The following ERC2 variants were observed in gnomAD, a reference collection of about 807,000 sequenced individuals.
ERC2 encodes ERC protein 2.
In ERC2, 42 loss-of-function variants were observed where a neutral mutation model predicts 114.8. The observed-to-expected ratio is 0.37, with a 90% CI of 0.29 to 0.47. The LOEUF is 0.47. Among genes scored for constraint, ERC2 ranks in the 20% least tolerant of loss-of-function variants. The pLI is 0.99. For synonymous variants in ERC2, 454 were observed against 425.5 expected (o/e 1.07, Z -0.82); for missense variants, 939 against 1,150.7 (o/e 0.82, Z 2.66).
At chr3:56,452,850 C>T (rs1156827104) in intron 1 of ERC2, among the ~76,000 whole-genome samples, 1 of 152,180 alleles carries the variant, frequency 6.6e-6, no homozygotes, top group Non-Finnish European at 1.5e-5. Context: ...TCAGAGAAGG[C>T]AGAAGTACTT....
At chr3:56,381,558 T>A (rs191594526) in intron 2 of ERC2, among the ~76,000 whole-genome samples, 1 of 151,780 alleles carries the variant, frequency 6.6e-6, no homozygotes, top group South Asian at 2.1e-4. Flanking sequence ...TAAAAAAAAA[T>A]ATGTTAGCCA....
At position 56,063,082 on chromosome 3, in the gene ERC2, T is replaced by C. The variant is rs984465529; in HGVS notation, c.1641+17735A>G. Reference sequence around the variant, plus strand: ...AAGCTACAACATGGATGAGTTTCAATGCATTATGCTAAGTCAAAGAAGCCA... The same window carrying C: ...AAGCTACAACATGGATGAGTTTCAACGCATTATGCTAAGTCAAAGAAGCCA... On this transcript the variant is annotated intron_variant, in intron 7 of 17. Coordinates refer to ENST00000288221, the MANE Select transcript of ERC2 (RefSeq NM_015576.3). Among the ~76,000 whole-genome samples, 4 of 152,228 alleles carry C rather than the reference T, an allele frequency of 2.6e-5. No homozygotes were observed. In the South Asian group the frequency reaches 6.2e-4, roughly 24 times the overall value.
intron 13 of ERC2, among the ~76,000 whole-genome samples, chr3:55,920,997 C>T (rs1034283097): frequency 3.9e-5 from 6 of 152,074 alleles, no homozygotes; most frequent in Non-Finnish European, 8.8e-5. Flanking sequence ...GAGACTGAAT[C>T]ATAACCACTC....
chr3:55,970,314 T>C (rs892839528), intron 12 of ERC2, among the ~76,000 whole-genome samples: 4 of 152,160 alleles, frequency 2.6e-5, no homozygotes, highest in South Asian at 4.1e-4. Context: ...AAATTTAGTA[T>C]TGTGTATTAA....
At chr3:56,238,505 G>T (rs1220574091) in intron 3 of ERC2, among the ~76,000 whole-genome samples, 1 of 152,182 alleles carries the variant, frequency 6.6e-6, no homozygotes, top group African/African-American at 2.4e-5. Context: ...TCTTGGGCGT[G>T]GTTCCAACTC....
At chr3:56,082,307 C>A (rs186122385) in intron 6 of ERC2, among the ~76,000 whole-genome samples, 3 of 152,244 alleles carry the variant, frequency 2.0e-5, no homozygotes, top group South Asian at 4.1e-4. Context: ...AATTCATTCA[C>A]CCCTTCCACC....
At chr3:56,004,098 T>C (rs2072284730) in intron 10 of ERC2, among the ~76,000 whole-genome samples, 4 of 152,008 alleles carry the variant, frequency 2.6e-5, no homozygotes, top group Admixed American at 1.3e-4. Context: ...AGAAACTCCC[T>C]CCTCAGGTAT....
chr3:56,242,303 T>C (rs1024595543), intron 3 of ERC2, among the ~76,000 whole-genome samples: 1 of 152,050 alleles, frequency 6.6e-6, no homozygotes, highest in Non-Finnish European at 1.5e-5. Context: ...TAATGGACTT[T>C]GGGGACTTGG....
At chr3:56,448,298 A>C (rs2062674582) in intron 1 of ERC2, among the ~76,000 whole-genome samples, 1 of 152,234 alleles carries the variant, frequency 6.6e-6, no homozygotes, top group African/African-American at 2.4e-5. Flanking sequence ...GCCCATGGCA[A>C]GAGTACAAAT....
chr3:56,236,112 T>C (rs535135655), intron 3 of ERC2, among the ~76,000 whole-genome samples: 2 of 152,240 alleles, frequency 1.3e-5, no homozygotes, highest in Non-Finnish European at 2.9e-5. Context: ...ACAAAAACAA[T>C]GTACAAGGGA....
chr3:56,207,141 T>G (rs1464170889), intron 3 of ERC2, among the ~76,000 whole-genome samples: 3 of 151,506 alleles, frequency 2.0e-5, no homozygotes, highest in Non-Finnish European at 2.9e-5. Flanking sequence ...TGGGCATCTT[T>G]ATGATAATAT....
chr3:55,643,852 A>C (rs1218830288), intron 17 of ERC2, among the ~76,000 whole-genome samples: 1 of 152,224 alleles, frequency 6.6e-6, no homozygotes, highest in African/African-American at 2.4e-5. Context: ...CAGACTCTGA[A>C]TTATTAATGC....
intron 17 of ERC2, among the ~76,000 whole-genome samples, chr3:55,525,994 G>A (rs1264574991): frequency 2.6e-5 from 4 of 152,172 alleles, no homozygotes; most frequent in Admixed American, 1.3e-4. Context: ...ATTAAGATAA[G>A]GTTATACTGA....
At chr3:56,420,906 A>AG (rs1329664187) in intron 2 of ERC2, among the ~76,000 whole-genome samples, 4 of 151,924 alleles carry the variant, frequency 2.6e-5, no homozygotes, top group Admixed American at 1.3e-4. Flanking sequence ...CAAAAAAAAA[A>AG]AAAGAAAGAA....
intron 14 of ERC2, among the ~76,000 whole-genome samples, chr3:55,851,476 TAAC>T: frequency 6.6e-6 from 1 of 152,074 alleles, no homozygotes; most frequent in African/African-American, 2.4e-5. Context: ...TCCAAGGAAA[TAAC>T]AAAATTTTTT....
intron 7 of ERC2, among the ~76,000 whole-genome samples, chr3:56,062,520 T>C (rs2076285507): frequency 6.6e-6 from 1 of 152,230 alleles, no homozygotes; most frequent in African/African-American, 2.4e-5. Flanking sequence ...CACAAACTCA[T>C]GCTGATTACA....
At chr3:55,539,174 C>T (rs1239097615) in intron 17 of ERC2, among the ~76,000 whole-genome samples, 1 of 152,084 alleles carries the variant, frequency 6.6e-6, no homozygotes, top group Non-Finnish European at 1.5e-5. Context: ...GAAAGAAGCA[C>T]AATGTTAGAG....
chr3:55,970,757 C>T (rs2069097703), intron 12 of ERC2, among the ~76,000 whole-genome samples: 1 of 152,162 alleles, frequency 6.6e-6, no homozygotes, highest in Admixed American at 6.5e-5. Context: ...TAAAATGGCA[C>T]AGCCACTTTT....
intron 3 of ERC2, among the ~76,000 whole-genome samples, chr3:56,186,114 TAA>T (rs201544979): frequency 1.9e-3 from 198 of 102,478 alleles, no homozygotes; most frequent in African/African-American, 6.8e-3. Context: ...TCAAGAACCT[TAA>T]AAAAAAAAAA....
Sources: allele counts gnomAD v4.1 joint callset (sites outside exome capture counted in the v4.1 genomes callset), GRCh38; gene constraint gnomAD v4.1.1; transcripts MANE v1.5; gene names NCBI Gene and HGNC (gene_info 2026-07-23, HGNC 2026-07-21).